Variants in LAMA5 observed in about 807,000 individuals in gnomAD.
LAMA5 encodes laminin subunit alpha-5.
A neutral mutation model predicts 433.4 loss-of-function variants in LAMA5; 260 were observed. The observed-to-expected ratio is 0.60, with a 90% CI of 0.54 to 0.66. The LOEUF (loss-of-function observed/expected upper bound fraction) is 0.66. LAMA5 is among the 30% of genes least tolerant of loss of function. The pLI, the probability that LAMA5 is intolerant of heterozygous loss-of-function variation, is 0.00. For synonymous variants in LAMA5, 2,620 were observed against 2,226.6 expected, an observed-to-expected ratio of 1.18 and a Z score of -4.97; for missense variants, 5,378 against 5,258.5, an observed-to-expected ratio of 1.02 and a Z score of -0.70.
rs772594891 is a variant in LAMA5 at position 62,317,815 on chromosome 20, G to C, written c.7240-37C>G. On this transcript the variant is annotated intron_variant, in intron 53 of 79. Transcript: ENST00000252999. ...GCAGGGGAGTTGGGGACAATGAGGG[G>C]TAAGAAAAGAATAAAGGATGTGATG... 3.4e-6 allele frequency: 4 copies of C among 1,165,774 alleles called. No homozygotes were observed. In the African/African-American group the frequency reaches 6.9e-5, roughly 20 times the overall value. 72.2% of individuals were successfully genotyped at this position (1,165,774 alleles called of 1,614,324 possible).
chr20:62,328,572 C>A, intron 34 of LAMA5, 127 bp from the exon 35 acceptor site: 1 of 1,025,550 alleles, frequency 9.8e-7, no homozygotes, highest in Non-Finnish European at 1.4e-6. Context: ...GGGACCCCTG[C>A]CCCGGGTGCT....
intron 79 of LAMA5, 109 bp from the exon 80 acceptor site, chr20:62,309,584 T>TAGGAGGGAGGGAGGGGGGTGGG (rs1985887498): frequency 5.5e-6 from 1 of 181,442 alleles, no homozygotes; most frequent in East Asian, 1.5e-4. Flanking sequence ...TTCCACATCA[T>TAGGAGGGAGGGAGGGGGGTGGG]AGGAGGGTGG....
At chr20:62,336,821 A>G (rs777570099) in intron 16 of LAMA5, 35 bp from the exon 17 acceptor site, 4 of 1,608,026 alleles carry the variant, frequency 2.5e-6, no homozygotes, top group Non-Finnish European at 3.4e-6. Flanking sequence ...GTCATTTCCC[A>G]GTGACCAACC....
chr20:62,361,023 C>A (rs890416144), intron 2 of LAMA5, among the ~76,000 whole-genome samples: 4 of 152,128 alleles, frequency 2.6e-5, no homozygotes, highest in African/African-American at 9.7e-5. Context: ...ATCTCCCCTC[C>A]CCCAGCCCAG....
intron 11 of LAMA5, among the ~76,000 whole-genome samples, chr20:62,340,500 G>A (rs143184579): frequency 1.1e-3 from 167 of 151,182 alleles, no homozygotes; most frequent in African/African-American, 3.5e-3. Flanking sequence ...TAGTAGAGAC[G>A]GGGTTTCTCC....
rs1230238157 is a variant in LAMA5, at chr20:62,344,455, C to CT, written c.1477+1362dup. Among the ~76,000 whole-genome samples the CT allele has an allele frequency of 5.3e-5, 8 of 151,182 alleles. No homozygotes were observed. The East Asian group carries it at 5.8e-4, about 11-fold the overall frequency. ...GGCTGTGACTGTATGCTGGGAGACTCTTTTTTTTTAAATTTATTTTTTGAG... is the reference window on the plus strand; with the variant it reads ...GGCTGTGACTGTATGCTGGGAGACTCTTTTTTTTTTAAATTTATTTTTTGAG... On this transcript the variant is annotated intron_variant, in intron 11 of 79. Coordinates refer to ENST00000252999, the MANE Select transcript of LAMA5 (RefSeq NM_005560.6).
intron 1 of LAMA5, among the ~76,000 whole-genome samples, chr20:62,362,897 G>A (rs1245655891): frequency 1.3e-5 from 2 of 151,998 alleles, no homozygotes; most frequent in Non-Finnish European, 2.9e-5. Context: ...TAGGCAGAGG[G>A]GGTGCCAGTG....
At chr20:62,340,310 T>G (rs957928811) in intron 11 of LAMA5, among the ~76,000 whole-genome samples, 7 of 87,132 alleles carry the variant, frequency 8.0e-5, no homozygotes, top group East Asian at 3.2e-4. Context: ...CCTTTGTTTT[T>G]TTTTTTTTTT....
intron 54 of LAMA5, 65 bp from the exon 55 acceptor site, chr20:62,317,564 C>A (rs529702300): frequency 7.9e-6 from 12 of 1,521,394 alleles, no homozygotes; most frequent in Non-Finnish European, 8.8e-7. Flanking sequence ...ACCCTGAGGG[C>A]GGGCTCTGCA....
intron 45 of LAMA5, among the ~76,000 whole-genome samples, chr20:62,323,023 G>A (rs1358025748): frequency 6.8e-6 from 1 of 146,816 alleles, no homozygotes; most frequent in Non-Finnish European, 1.5e-5. Flanking sequence ...TGGTGGTGGT[G>A]TCTAACCATG....
At chr20:62,331,221 T>TG (rs71195441) in intron 28 of LAMA5, 92 bp from the exon 29 acceptor site, 4,358 of 13,486 alleles carry the variant, frequency 0.32, 1,610 homozygotes, top group East Asian at 0.65. Context: ...GGCGGTACGA[T>TG]GGGGGGGTGC....
intron 2 of LAMA5, among the ~76,000 whole-genome samples, chr20:62,354,183 C>T (rs1212561055): frequency 1.3e-5 from 2 of 152,082 alleles, no homozygotes; most frequent in East Asian, 3.9e-4. Context: ...TCACAGGACG[C>T]TTTGTACACC....
chr20:62,315,168 G>T lies in LAMA5; in HGVS notation c.7907C>A (p.Ala2636Asp). 1 of 1,611,102 alleles carries T rather than the reference G, an allele frequency of 6.2e-7. No individual in the cohort carries two copies. The highest frequency in any genetic ancestry group is 8.5e-7 in the Non-Finnish European group (1 of 1,179,648). ...SKKIAHAKAV[A>D]AEAQDTATRV... is the part of the protein sequence containing the mutation. ...GGTGGCGGTGTCCTGGGCTTCAGCAGCCACAGCCTTGGCATGTGCGATCTT... is the reference window on the plus strand; with the variant it reads ...GGTGGCGGTGTCCTGGGCTTCAGCATCCACAGCCTTGGCATGTGCGATCTT... The change falls in exon 59 of 80, where the codon GCT (alanine) becomes GAT (aspartate). Residue 2636 changes from alanine to aspartate, a missense_variant. Physicochemically the swap from Ala to Asp is moderately radical, Grantham distance 126. Transcript: ENST00000252999.
At chr20:62,354,508 A>G (rs1984869866) in intron 2 of LAMA5, among the ~76,000 whole-genome samples, 1 of 151,984 alleles carries the variant, frequency 6.6e-6, no homozygotes, top group South Asian at 2.1e-4. Context: ...CCCGCCCAAC[A>G]GTGAAACACC....
chr20:62,320,418 C>G (rs1381518620), intron 50 of LAMA5, 141 bp downstream of exon 50: 1 of 629,774 alleles, frequency 1.6e-6, no homozygotes, highest in Non-Finnish European at 2.8e-6. Flanking sequence ...ACTTGGTCAA[C>G]CCCTAAGACT....
At chr20:62,351,621 C>CAG in intron 6 of LAMA5, 83 bp downstream of exon 6, 9 of 1,354,492 alleles carry the variant, frequency 6.6e-6, no homozygotes, top group Non-Finnish European at 9.3e-6. Context: ...CACCCACCCT[C>CAG]AGGTTAGGCA....
chr20:62,338,815 G>C (rs998626769), intron 11 of LAMA5, among the ~76,000 whole-genome samples: 2 of 152,206 alleles, frequency 1.3e-5, no homozygotes, highest in African/African-American at 4.8e-5. Flanking sequence ...GAGGCGGGCA[G>C]ATCATGAGGT....
chr20:62,325,650 A>T (rs1404498737), intron 40 of LAMA5, 104 bp from the exon 41 acceptor site: 1 of 716,172 alleles, frequency 1.4e-6, no homozygotes, highest in Non-Finnish European at 2.3e-6. Context: ...GGGCACAAAG[A>T]CCATGGGGCA....
In LAMA5 at chr20:62,310,089, G is replaced by C. The variant is rs577933384; in HGVS notation, c.10735-8C>G. ...ATCCGCCCGCAGCAGGACCTGGCGGGGTAGGAAGGGAGGGTCAGGCTATGC... is the reference window on the plus strand; with the variant it reads ...ATCCGCCCGCAGCAGGACCTGGCGGCGTAGGAAGGGAGGGTCAGGCTATGC... On this transcript the variant is annotated splice_polypyrimidine_tract_variant and splice_region_variant and intron_variant, in intron 77 of 79. Coordinates refer to ENST00000252999, the MANE Select transcript of LAMA5 (RefSeq NM_005560.6). 3 of 1,611,086 alleles carry C rather than the reference G, an allele frequency of 1.9e-6. No homozygotes were observed. The highest frequency in any genetic ancestry group is 4.5e-5 in the East Asian group (2 of 44,862).
Sources: allele counts gnomAD v4.1 joint callset (sites outside exome capture counted in the v4.1 genomes callset), GRCh38; gene constraint gnomAD v4.1.1; transcripts MANE v1.5; gene names NCBI Gene and HGNC (gene_info 2026-07-23, HGNC 2026-07-21).